Variants in SND1 observed in about 807,000 individuals in gnomAD.
SND1 encodes staphylococcal nuclease and tudor domain containing 1, also known as staphylococcal nuclease domain-containing protein 1.
A neutral mutation model predicts 121.7 loss-of-function variants in SND1; 38 were observed. The observed-to-expected ratio is 0.31, with a 90% CI of 0.24 to 0.41. The LOEUF (loss-of-function observed/expected upper bound fraction) is 0.41. Ranked by LOEUF, SND1 falls within the 10% of genes least tolerant of loss-of-function variation. The pLI is 1.00. For missense variants in SND1, 868 were observed against 1,184.6 expected, an observed-to-expected ratio of 0.73 and a Z score of 3.92; for synonymous variants, 401 against 447.4, an observed-to-expected ratio of 0.90 and a Z score of 1.31.
intron 15 of SND1, among the ~76,000 whole-genome samples, chr7:127,987,539 A>G (rs1294174748): frequency 1.3e-5 from 2 of 152,170 alleles, no homozygotes; most frequent in African/African-American, 2.4e-5. Flanking sequence ...AGTGGACAGC[A>G]TATTTTTTGC....
At chr7:128,045,811 T>C (rs965349225) in intron 16 of SND1, among the ~76,000 whole-genome samples, 1 of 152,218 alleles carries the variant, frequency 6.6e-6, no homozygotes, top group African/African-American at 2.4e-5. Context: ...AGTACCTTTC[T>C]TGGCTGCAAG....
At chr7:127,877,904 A>G (rs75057716) in intron 12 of SND1, among the ~76,000 whole-genome samples, 72 of 152,192 alleles carry the variant, frequency 4.7e-4, no homozygotes, top group African/African-American at 1.7e-3. Context: ...TATGTGCTGT[A>G]GGGATTCAAG....
intron 15 of SND1, among the ~76,000 whole-genome samples, chr7:127,952,275 C>A (rs932894206): frequency 6.6e-6 from 1 of 152,198 alleles, no homozygotes; most frequent in Admixed American, 6.5e-5. Context: ...TGTGGGATAT[C>A]ATTTCCAAGA....
intron 21 of SND1, 137 bp from the exon 22 acceptor site, chr7:128,089,352 C>A: frequency 1.2e-6 from 1 of 811,232 alleles, no homozygotes; most frequent in Non-Finnish European, 1.9e-6. Flanking sequence ...CCGTGCCTGG[C>A]CAACCTCACT....
chr7:128,089,121 A>C (rs322822), intron 21 of SND1, among the ~76,000 whole-genome samples: 108,845 of 152,034 alleles, frequency 0.72, 40,445 homozygotes, highest in African/African-American at 0.91. Flanking sequence ...GTGGCGCAAT[A>C]TTGGCTCACT....
chr7:127,709,092 C>T (rs1025701763), intron 9 of SND1, among the ~76,000 whole-genome samples: 7 of 152,130 alleles, frequency 4.6e-5, no homozygotes, highest in Non-Finnish European at 1.0e-4. Context: ...CAAAATCATT[C>T]CTTTTGGTAG....
chr7:127,685,768 A>C (rs1301500221), intron 1 of SND1, among the ~76,000 whole-genome samples: 3 of 152,096 alleles, frequency 2.0e-5, no homozygotes, highest in Non-Finnish European at 4.4e-5. Flanking sequence ...GGTTTTCTAG[A>C]TTACTTCTGT....
chr7:127,876,204 A>G (rs1301109190), intron 12 of SND1, among the ~76,000 whole-genome samples: 2 of 152,032 alleles, frequency 1.3e-5, no homozygotes, highest in East Asian at 1.9e-4. Flanking sequence ...GTATTAGAAA[A>G]TTTCTAAAAA....
intron 12 of SND1, among the ~76,000 whole-genome samples, chr7:127,868,351 C>T (rs1563041439): frequency 6.6e-6 from 1 of 152,210 alleles, no homozygotes. Flanking sequence ...CACCACTGCA[C>T]TCCAGCCTGG....
chr7:128,039,991 A>T (rs570214494), intron 16 of SND1, among the ~76,000 whole-genome samples: 2 of 152,250 alleles, frequency 1.3e-5, no homozygotes, highest in South Asian at 4.1e-4. Context: ...GGGCAAGGAG[A>T]GGAGCCCAGA....
At chr7:127,785,838 C>T (rs1584571228) in intron 10 of SND1, among the ~76,000 whole-genome samples, 1 of 152,198 alleles carries the variant, frequency 6.6e-6, no homozygotes, top group Admixed American at 6.5e-5. Context: ...TGGCACAGAT[C>T]ATTGAATTTA....
At chr7:127,747,625 G>T (rs1385576479) in intron 10 of SND1, among the ~76,000 whole-genome samples, 2 of 152,138 alleles carry the variant, frequency 1.3e-5, no homozygotes, top group Non-Finnish European at 2.9e-5. Flanking sequence ...GCACCTGGTT[G>T]TGACATATTT....
At chr7:127,780,878 G>A (rs1797707683) in intron 10 of SND1, among the ~76,000 whole-genome samples, 1 of 152,160 alleles carries the variant, frequency 6.6e-6, no homozygotes, top group South Asian at 2.1e-4. Flanking sequence ...GTGTCCTATG[G>A]CTGAAAAGTG....
intron 10 of SND1, among the ~76,000 whole-genome samples, chr7:127,787,968 A>G (rs1415838300): frequency 6.6e-6 from 1 of 152,176 alleles, no homozygotes; most frequent in East Asian, 1.9e-4. Context: ...TTCCACCTCA[A>G]AGGAGGATTT....
At chr7:127,959,176 CTA>C (rs1801670454) in intron 15 of SND1, among the ~76,000 whole-genome samples, 1 of 152,140 alleles carries the variant, frequency 6.6e-6, no homozygotes, top group East Asian at 1.9e-4. Context: ...GCTGTGTGCT[CTA>C]TGTCTTTACT....
intron 10 of SND1, among the ~76,000 whole-genome samples, chr7:127,805,639 C>G (rs1798221857): frequency 6.6e-6 from 1 of 152,194 alleles, no homozygotes; most frequent in East Asian, 1.9e-4. Context: ...CATAGATCCC[C>G]TTAACCATAA....
chr7:128,054,878 A>G (rs757317997), intron 16 of SND1, among the ~76,000 whole-genome samples: 13 of 152,208 alleles, frequency 8.5e-5, no homozygotes, highest in Non-Finnish European at 1.3e-4. Flanking sequence ...GGGCTGATGA[A>G]TGTATTGAGG....
At chr7:127,990,387 T>C (rs923634387) in intron 15 of SND1, among the ~76,000 whole-genome samples, 1 of 152,152 alleles carries the variant, frequency 6.6e-6, no homozygotes, top group Non-Finnish European at 1.5e-5. Flanking sequence ...TCATTCTGAA[T>C]GAAAAGCCGA....
intron 15 of SND1, among the ~76,000 whole-genome samples, chr7:127,961,488 A>C (rs1410670070): frequency 6.6e-6 from 1 of 152,268 alleles, no homozygotes; most frequent in East Asian, 1.9e-4. Flanking sequence ...TTCTTTGATT[A>C]AGTGTTTGCC....
Sources: gnomAD v4.1 joint callset for allele counts (sites outside exome capture counted in the v4.1 genomes callset) on GRCh38, gnomAD v4.1.1 for gene constraint, MANE v1.5 for transcripts, NCBI Gene and HGNC (gene_info 2026-07-23, HGNC 2026-07-21) for gene names.